ENAH: variants seen among roughly 807,000 people sequenced by gnomAD.
The protein encoded by ENAH is protein enabled homolog.
ENAH carries 23 observed loss-of-function variants against 78.7 expected under a neutral mutation model. The observed-to-expected ratio is 0.29, with a 90% CI of 0.21 to 0.41. The LOEUF is 0.41. Ranked by LOEUF, ENAH falls within the 10% of genes least tolerant of loss-of-function variation. The pLI, the probability that ENAH is intolerant of heterozygous loss-of-function variation, is 1.00. For synonymous variants in ENAH, 226 were observed against 241.0 expected, an observed-to-expected ratio of 0.94 and a Z score of 0.58; for missense variants, 544 against 691.0, an observed-to-expected ratio of 0.79 and a Z score of 2.39.
rs1024415948 is a variant in ENAH at position 225,491,496 on chromosome 1, AAAAG to A, written c.*6275_*6278del. The A allele has an allele frequency of 1.3e-5, 2 of 151,272 alleles. No homozygotes were observed. Among genetic ancestry groups the A allele is most frequent in the African/African-American group, 4.9e-5 (2 of 40,922 alleles). 9.4% of individuals were successfully genotyped at this position (151,272 alleles called of 1,614,324 possible). The stretch of plus-strand genomic sequence containing the variant: ...AATCTTTAAAAAAAAAAATAAAAGA[AAAAG>A]AAAAAAAGAAAAGAGGTTTCACAGA... On this transcript the variant is annotated 3_prime_UTR_variant, in exon 14 of 14. Transcript: ENST00000366843.
At chr1:225,600,044 G>A (rs574614587) in intron 1 of ENAH, among the ~76,000 whole-genome samples, 4 of 152,252 alleles carry the variant, frequency 2.6e-5, no homozygotes, top group African/African-American at 9.6e-5. Flanking sequence ...TCTGCCATGA[G>A]TAAAAGCTCC....
intron 1 of ENAH, among the ~76,000 whole-genome samples, chr1:225,626,537 C>T (rs1558930015): frequency 1.3e-5 from 2 of 152,216 alleles, no homozygotes; most frequent in East Asian, 1.9e-4. Flanking sequence ...AGCAACAAGG[C>T]GCCATCTATG....
intron 3 of ENAH, among the ~76,000 whole-genome samples, chr1:225,550,658 T>A (rs561450327): frequency 6.6e-6 from 1 of 152,102 alleles, no homozygotes; most frequent in Non-Finnish European, 1.5e-5. Flanking sequence ...CATTAAAAAA[T>A]GAAATCTCAA....
At chr1:225,643,487 T>A (rs149857411) in intron 1 of ENAH, among the ~76,000 whole-genome samples, 4 of 152,074 alleles carry the variant, frequency 2.6e-5, no homozygotes, top group African/African-American at 9.7e-5. Context: ...CAAAGACATA[T>A]AACCAAAGAT....
At chr1:225,571,200 G>C (rs1449873485) in intron 1 of ENAH, among the ~76,000 whole-genome samples, 1 of 151,396 alleles carries the variant, frequency 6.6e-6, no homozygotes, top group African/African-American at 2.4e-5. Context: ...TAGTGAAACT[G>C]CATCTCTACT....
At chr1:225,616,331 TAAA>T (rs79946774) in intron 1 of ENAH, among the ~76,000 whole-genome samples, 1 of 126,718 alleles carries the variant, frequency 7.9e-6, no homozygotes, top group South Asian at 2.5e-4. Context: ...AATAAATACT[TAAA>T]AAAAAAAAAA....
rs1204669274 is a variant in ENAH, at chr1:225,491,503, AAAAAG to A, written c.*6267_*6271del. 3 of 152,138 alleles carry A rather than the reference AAAAAG, an allele frequency of 2.0e-5. No individual in the cohort carries two copies. Among genetic ancestry groups the A allele is most frequent in the Admixed American group, 1.3e-4 (2 of 15,282 alleles). 9.4% of individuals were successfully genotyped at this position (152,138 alleles called of 1,614,324 possible). ...AAAAAAAAAAATAAAAGAAAAAGAA[AAAAAG>A]AAAAGAGGTTTCACAGATGTGACTA... is the stretch of plus-strand genomic sequence containing the variant. On this transcript the variant is annotated 3_prime_UTR_variant, in exon 14 of 14. Transcript: ENST00000366843.
At chr1:225,530,694 A>G in intron 3 of ENAH, 56 bp from the exon 4 acceptor site, 1 of 1,307,128 alleles carries the variant, frequency 7.7e-7, no homozygotes, top group South Asian at 1.2e-5. Flanking sequence ...AGCTGGACAG[A>G]GGAGATAAAA....
At chr1:225,502,607 G>A (rs918523666) in intron 11 of ENAH, among the ~76,000 whole-genome samples, 2 of 152,148 alleles carry the variant, frequency 1.3e-5, no homozygotes, top group Non-Finnish European at 2.9e-5. Context: ...TATATGAATA[G>A]GGGGAAAAAT....
At chr1:225,653,326 G>A (rs1024751103), upstream of ENAH, among the ~76,000 whole-genome samples, 2 of 151,466 alleles carry the variant, frequency 1.3e-5, no homozygotes, top group African/African-American at 4.8e-5. The surrounding 1 kb of genome is among the most constrained non-coding windows in gnomAD (Gnocchi z 4.3). Flanking sequence ...GGGAGAGAGC[G>A]AGCGCGACGG....
chr1:225,640,213 T>G (rs989555103), intron 1 of ENAH, among the ~76,000 whole-genome samples: 11 of 152,342 alleles, frequency 7.2e-5, no homozygotes, highest in African/African-American at 2.6e-4. Flanking sequence ...AAAAATTATG[T>G]AAAATTTTTT....
At position 225,487,363 on chromosome 1, in the gene ENAH, T is replaced by C. The variant is rs1224782763; in HGVS notation, c.*10412A>G. Reference sequence around the variant, plus strand: ...TCTCACCTTCTCTTCCACGTTCCCTTCTTAAACGTAGATGTCAAGCTTAGA... The same window carrying C: ...TCTCACCTTCTCTTCCACGTTCCCTCCTTAAACGTAGATGTCAAGCTTAGA... On this transcript the variant is annotated 3_prime_UTR_variant, in exon 14 of 14. Transcript: ENST00000366843. 6.6e-6 allele frequency: 1 copy of C among 152,216 alleles called. No individual in the cohort carries two copies. Among genetic ancestry groups the C allele is most frequent in the African/African-American group, 2.4e-5 (1 of 41,448 alleles). The allele number at this position is 152,216 out of a possible 1,614,324, so 9.4% of individuals were successfully genotyped here.
intron 3 of ENAH, 49 bp from the exon 4 acceptor site, chr1:225,530,687 T>A (rs1174023280): frequency 1.5e-6 from 2 of 1,348,444 alleles, no homozygotes; most frequent in Admixed American, 3.6e-5. Flanking sequence ...CATATCTAGC[T>A]GGACAGAGGA....
intron 1 of ENAH, among the ~76,000 whole-genome samples, chr1:225,632,165 G>A (rs187994548): frequency 1.3e-5 from 2 of 152,116 alleles, no homozygotes; most frequent in African/African-American, 2.4e-5. Context: ...GCCAATCTCC[G>A]CCTAAGAAAC....
chr1:225,554,386 A>G (rs74149846), intron 3 of ENAH, among the ~76,000 whole-genome samples: 2,011 of 152,260 alleles, frequency 0.013, 52 homozygotes, highest in African/African-American at 0.045. Flanking sequence ...ATCAGAGGAG[A>G]TGCAATTCAT....
chr1:225,623,868 C>T (rs908170244), intron 1 of ENAH, among the ~76,000 whole-genome samples: 37 of 152,102 alleles, frequency 2.4e-4, no homozygotes, highest in African/African-American at 8.5e-4. Context: ...GGATTACAGG[C>T]GTAAGCCACC....
intron 1 of ENAH, among the ~76,000 whole-genome samples, chr1:225,577,718 C>T (rs2096795086): frequency 6.6e-6 from 1 of 152,144 alleles, no homozygotes; most frequent in Non-Finnish European, 1.5e-5. Context: ...AGCAAGATGG[C>T]ATGATTTAAA....
Position 225,496,513 on chromosome 1 carries a change from C to T in ENAH, c.*1262G>A, listed in dbSNP as rs1291993313. ...TCATTCAGGAACACGTATCTAAACA[C>T]CTGTGTAACAGCGGGGGTACCTAGG... On this transcript the variant is annotated 3_prime_UTR_variant, in exon 14 of 14. Transcript: ENST00000366843. The T allele has an allele frequency of 1.3e-5, 2 of 152,390 alleles. No homozygotes were observed. Among genetic ancestry groups the T allele is most frequent in the East Asian group, 3.8e-4 (2 of 5,204 alleles). 9.4% of individuals were successfully genotyped at this position (152,390 alleles called of 1,614,324 possible).
At chr1:225,604,905 A>G (rs188328110) in intron 1 of ENAH, among the ~76,000 whole-genome samples, 1 of 152,308 alleles carries the variant, frequency 6.6e-6, no homozygotes, top group African/African-American at 2.4e-5. Flanking sequence ...ATAAAACAAG[A>G]TATCCTTTTA....
Sources: allele counts gnomAD v4.1 joint callset (sites outside exome capture counted in the v4.1 genomes callset), GRCh38; gene constraint gnomAD v4.1.1; non-coding constraint Gnocchi (gnomAD v3.1); transcripts MANE v1.5; gene names NCBI Gene and HGNC (gene_info 2026-07-23, HGNC 2026-07-21).